HS2ST1: variants seen among roughly 807,000 people sequenced by gnomAD.
The protein encoded by HS2ST1 is heparan sulfate 2-O-sulfotransferase 1, also known as 2-O-sulfotransferase.
In HS2ST1, 18 loss-of-function variants were observed where a neutral mutation model predicts 42.9. That is an observed-to-expected ratio of 0.42 (90% CI 0.29 to 0.62). The LOEUF (loss-of-function observed/expected upper bound fraction) is 0.62, where lower values mean the gene tolerates loss of function less well. HS2ST1 is among the 20% of genes least tolerant of loss of function. The pLI is 0.21. For missense variants in HS2ST1, 334 were observed against 433.8 expected (o/e 0.77, Z 2.04); for synonymous variants, 146 against 152.9 (o/e 0.95, Z 0.33).
At chr1:87,096,875 G>T in intron 4 of HS2ST1, among the ~76,000 whole-genome samples, 1 of 152,202 alleles carries the variant, frequency 6.6e-6, no homozygotes. Context: ...TTGGGATATG[G>T]TAGGTGCATG....
intron 1 of HS2ST1, among the ~76,000 whole-genome samples, chr1:86,936,316 T>G (rs113685640): frequency 0.029 from 4,375 of 152,300 alleles, 227 homozygotes; most frequent in African/African-American, 0.1. Flanking sequence ...TTATTTTTGT[T>G]TCTATAACAT....
intron 1 of HS2ST1, among the ~76,000 whole-genome samples, chr1:87,017,320 A>G (rs1368836637): frequency 6.6e-6 from 1 of 152,116 alleles, no homozygotes; most frequent in Non-Finnish European, 1.5e-5. Flanking sequence ...TATTTTTAGT[A>G]GAGAGGGGGT....
chr1:87,080,190 G>T (rs1028759760), intron 2 of HS2ST1, among the ~76,000 whole-genome samples: 1 of 152,144 alleles, frequency 6.6e-6, no homozygotes, highest in Admixed American at 6.5e-5. Flanking sequence ...TTTCAACCAG[G>T]AGTACTCAGC....
chr1:86,974,331 G>A (rs1344844061), intron 1 of HS2ST1, among the ~76,000 whole-genome samples: 1 of 152,168 alleles, frequency 6.6e-6, no homozygotes, highest in Non-Finnish European at 1.5e-5. Context: ...GGGATTTGGA[G>A]AGCTTCTAGG....
At chr1:87,062,156 T>C (rs541501056) in intron 1 of HS2ST1, among the ~76,000 whole-genome samples, 2 of 152,270 alleles carry the variant, frequency 1.3e-5, no homozygotes, top group Admixed American at 6.5e-5. Flanking sequence ...CTTAACTGTG[T>C]CCCACAAATT....
intron 2 of HS2ST1, among the ~76,000 whole-genome samples, chr1:87,077,878 C>T (rs780048770): frequency 1.3e-5 from 2 of 152,066 alleles, no homozygotes; most frequent in Non-Finnish European, 2.9e-5. Context: ...TGGGAACCAG[C>T]CCCCTGCCCT....
intron 1 of HS2ST1, among the ~76,000 whole-genome samples, chr1:87,071,020 C>A: frequency 6.6e-6 from 1 of 152,110 alleles, no homozygotes; most frequent in Admixed American, 6.5e-5. Context: ...CTCATTATGT[C>A]TTTCTCTCTC....
At chr1:86,978,271 TAAA>T (rs548093545) in intron 1 of HS2ST1, among the ~76,000 whole-genome samples, 10 of 152,200 alleles carry the variant, frequency 6.6e-5, no homozygotes, top group Non-Finnish European at 1.3e-4. Context: ...TAAAAGCTAA[TAAA>T]AATCTTACAG....
chr1:86,916,998 A>G (rs567122044), intron 1 of HS2ST1, among the ~76,000 whole-genome samples: 1 of 152,326 alleles, frequency 6.6e-6, no homozygotes, highest in South Asian at 2.1e-4. Context: ...CTGAAGATGT[A>G]TAATGCCACA....
chr1:86,935,275 A>C (rs1660621676), intron 1 of HS2ST1, among the ~76,000 whole-genome samples: 1 of 151,690 alleles, frequency 6.6e-6, no homozygotes, highest in Non-Finnish European at 1.5e-5. Context: ...GTTGCATATG[A>C]ACCTCAGAAT....
chr1:86,943,721 A>T (rs187566586), intron 1 of HS2ST1, among the ~76,000 whole-genome samples: 1 of 151,918 alleles, frequency 6.6e-6, no homozygotes, highest in East Asian at 1.9e-4. Flanking sequence ...TATCTCAGAA[A>T]AAAAAAAGAA....
At chr1:87,071,941 T>C (rs978132342) in intron 1 of HS2ST1, among the ~76,000 whole-genome samples, 1 of 152,230 alleles carries the variant, frequency 6.6e-6, no homozygotes, top group South Asian at 2.1e-4. Flanking sequence ...GCTAGAGATT[T>C]CACGCTCCTC....
At chr1:87,027,061 T>C (rs1650105874) in intron 1 of HS2ST1, among the ~76,000 whole-genome samples, 2 of 152,154 alleles carry the variant, frequency 1.3e-5, no homozygotes, top group African/African-American at 4.8e-5. Context: ...TACCTGAAAA[T>C]ATGAGTAAGT....
chr1:87,052,058 G>T (rs949106790), intron 1 of HS2ST1, among the ~76,000 whole-genome samples: 18 of 152,114 alleles, frequency 1.2e-4, no homozygotes, highest in South Asian at 6.2e-4. Flanking sequence ...TTTGAGACCA[G>T]CCTGGGCAAC....
intron 1 of HS2ST1, among the ~76,000 whole-genome samples, chr1:86,985,383 T>TATATATATATACACACACACACACACAC (rs1413099470): frequency 2.2e-5 from 1 of 44,706 alleles, no homozygotes; most frequent in African/African-American, 5.1e-5. Flanking sequence ...TATATATATA[T>TATATATATATACACACACACACACACAC]ACACACACAC....
intron 2 of HS2ST1, among the ~76,000 whole-genome samples, chr1:87,074,459 C>CAGT (rs1651491523): frequency 6.6e-6 from 1 of 152,094 alleles, no homozygotes; most frequent in Non-Finnish European, 1.5e-5. Flanking sequence ...CAGATTTATT[C>CAGT]AGTAGTACTT....
At chr1:87,073,263 G>A (rs1651462143) in intron 2 of HS2ST1, 91 bp downstream of exon 2, 1 of 905,298 alleles carries the variant, frequency 1.1e-6, no homozygotes, top group Non-Finnish European at 1.8e-6. Flanking sequence ...TTAAAGGGAT[G>A]TGAGTGCTGA....
intron 1 of HS2ST1, among the ~76,000 whole-genome samples, chr1:87,020,185 A>G (rs1330900945): frequency 1.3e-5 from 2 of 152,186 alleles, no homozygotes; most frequent in African/African-American, 4.8e-5. Flanking sequence ...CCCCTTTATC[A>G]CAAGGAACTC....
rs557423741 is a variant in HS2ST1 at position 87,064,072 on chromosome 1, C to T, written c.125-8862C>T. ...TTGTGAGGGTGGAAGTCTAGGCTCCCTACTTGTCCTGTACAGTTGGTGGGG... is the reference window on the plus strand; with the variant it reads ...TTGTGAGGGTGGAAGTCTAGGCTCCTTACTTGTCCTGTACAGTTGGTGGGG... On this transcript the variant is annotated intron_variant, in intron 1 of 6. Coordinates refer to ENST00000370550, the MANE Select transcript of HS2ST1 (RefSeq NM_012262.4). Among the ~76,000 whole-genome samples, 4 of 152,260 alleles carry T rather than the reference C, an allele frequency of 2.6e-5. No individual in the cohort carries two copies. In the South Asian group the frequency reaches 6.2e-4, roughly 24 times the overall value.
Sources: gnomAD v4.1 joint callset for allele counts (sites outside exome capture counted in the v4.1 genomes callset) on GRCh38, gnomAD v4.1.1 for gene constraint, MANE v1.5 for transcripts, NCBI Gene and HGNC (gene_info 2026-07-23, HGNC 2026-07-21) for gene names.